Variants in ARMC9 observed in about 807,000 individuals in gnomAD.
ARMC9 encodes armadillo repeat containing 9.
Under a neutral mutation model 107.0 loss-of-function variants are expected in ARMC9, and 94 were observed. The observed-to-expected ratio is 0.88, with a 90% CI of 0.74 to 1.04. The LOEUF (loss-of-function observed/expected upper bound fraction) is 1.04, where lower values mean the gene tolerates loss of function less well. Among genes scored for constraint, ARMC9 ranks in the 50% least tolerant of loss-of-function variants. The pLI is 0.00. For missense variants in ARMC9, 942 were observed against 1,030.1 expected, an observed-to-expected ratio of 0.91 and a Z score of 1.17; for synonymous variants, 380 against 396.9, an observed-to-expected ratio of 0.96 and a Z score of 0.51.
chr2:231,346,119 A>G (rs2044802425), intron 21 of ARMC9, among the ~76,000 whole-genome samples: 1 of 152,230 alleles, frequency 6.6e-6, no homozygotes, highest in African/African-American at 2.4e-5. Flanking sequence ...TGATATGCTT[A>G]TATTTCTAGG....
Position 231,255,353 on chromosome 2 carries a change from G to A in ARMC9, c.880-1233G>A, listed in dbSNP as rs1306562153. Among the ~76,000 whole-genome samples, 4 of 151,792 alleles carry A rather than the reference G, an allele frequency of 2.6e-5. No homozygotes were observed. In the East Asian group the frequency reaches 7.7e-4, roughly 29 times the overall value. ...AACACGTGTAGAAAATGTTTGACTT[G>A]GTACAAAGTGCACATTTTTATACTT... On this transcript the variant is annotated intron_variant, in intron 9 of 24. Transcript: ENST00000611582. The surrounding 1 kb of genome is among the most constrained non-coding windows in gnomAD (Gnocchi z 4.7).
At chr2:231,279,797 AC>A (rs1334321030) in intron 16 of ARMC9, among the ~76,000 whole-genome samples, 1 of 152,016 alleles carries the variant, frequency 6.6e-6, no homozygotes, top group African/African-American at 2.4e-5. Context: ...AGCCTGAGCC[AC>A]CATGCCTGGC....
intron 3 of ARMC9, among the ~76,000 whole-genome samples, chr2:231,211,137 T>TAC (rs757246857): frequency 0.022 from 3,216 of 147,324 alleles, 183 homozygotes; most frequent in South Asian, 0.18. Context: ...CACAAACACA[T>TAC]ACACACACAC....
chr2:231,358,076 C>T lies in ARMC9; in HGVS notation c.2131+2142C>T, dbSNP rs1265186433. Among the ~76,000 whole-genome samples the T allele has an allele frequency of 6.6e-6, 1 of 152,212 alleles. No homozygotes were observed. The highest frequency in any genetic ancestry group is 2.4e-5 in the African/African-American group (1 of 41,444). On this transcript the variant is annotated intron_variant, in intron 22 of 24. Coordinates refer to ENST00000611582, the MANE Select transcript of ARMC9 (RefSeq NM_001352754.2). This position sits in a 1 kb window ranked among gnomAD's most constrained non-coding sequence, Gnocchi z 4.5. Reference sequence around the variant, plus strand: ...CCCTGCCCCTCTCCCTGTCCTGTCACCTGCCTCTGCCTAAGGGATGGATGG... The same window carrying T: ...CCCTGCCCCTCTCCCTGTCCTGTCATCTGCCTCTGCCTAAGGGATGGATGG...
intron 23 of ARMC9, among the ~76,000 whole-genome samples, chr2:231,365,427 G>C (rs2045775389): frequency 6.6e-6 from 1 of 152,170 alleles, no homozygotes; most frequent in Non-Finnish European, 1.5e-5. Context: ...CAATGCTGCT[G>C]AGTCATAATC....
intron 3 of ARMC9, among the ~76,000 whole-genome samples, chr2:231,212,554 TC>T (rs1322647078): frequency 2.0e-5 from 3 of 152,186 alleles, no homozygotes; most frequent in Non-Finnish European, 4.4e-5. Flanking sequence ...GTCAGAGAGC[TC>T]TTGGTCACCG....
chr2:231,278,515 G>A (rs904923378), intron 16 of ARMC9, 57 bp downstream of exon 16: 10 of 1,501,872 alleles, frequency 6.7e-6, no homozygotes, highest in African/African-American at 4.1e-5. Context: ...GGGACCCAAT[G>A]CCTGTGACCC....
chr2:231,310,325 A>G (rs1053800500), intron 19 of ARMC9, among the ~76,000 whole-genome samples: 3 of 151,206 alleles, frequency 2.0e-5, no homozygotes, highest in African/African-American at 7.3e-5. Flanking sequence ...GAGGCAGGAG[A>G]ATTGAATTGC....
intron 12 of ARMC9, among the ~76,000 whole-genome samples, chr2:231,269,398 CTTTT>C (rs773618086): frequency 1.9e-4 from 21 of 112,402 alleles, no homozygotes; most frequent in Admixed American, 1.3e-3. Context: ...TTTTCTTCTT[CTTTT>C]TTTTTTTTTT....
At position 231,355,837 on chromosome 2, in the gene ARMC9, C is replaced by T. The variant is rs568326721; in HGVS notation, c.2034C>T (p.His678=). 89 of 1,536,124 alleles carry T rather than the reference C, an allele frequency of 5.8e-5. No homozygotes were observed. The highest frequency in any genetic ancestry group is 3.9e-4 in the Admixed American group (20 of 51,008). The change falls in exon 22 of 25, where the codon CAC becomes CAT. Residue 678 remains histidine, a synonymous_variant. Transcript: ENST00000611582. ...DQHTPPQTAQ[H]ARNGHPQALP... is the part of the protein sequence containing the mutation. ...ACACACCTCCCCAGACAGCCCAGCA[C>T]GCCAGAAACGGCCACCCGCAGGCCC...
chr2:231,218,924 G>C (rs1388626392), intron 5 of ARMC9, among the ~76,000 whole-genome samples: 1 of 151,944 alleles, frequency 6.6e-6, no homozygotes, highest in African/African-American at 2.4e-5. Context: ...GCTAATTTTT[G>C]TATTTTTAGT....
chr2:231,259,157 T>G, intron 11 of ARMC9, 55 bp downstream of exon 11: 2 of 1,444,292 alleles, frequency 1.4e-6, no homozygotes, highest in Non-Finnish European at 1.9e-6. Context: ...GCTGGTTTTC[T>G]TGGCTGGCTA....
intron 21 of ARMC9, among the ~76,000 whole-genome samples, chr2:231,352,300 A>G (rs561605583): frequency 3.4e-5 from 5 of 146,596 alleles, no homozygotes; most frequent in East Asian, 2.0e-4. Flanking sequence ...TTCCACTGCT[A>G]GGATTTTTTT....
At chr2:231,313,377 G>A (rs1438828056) in intron 19 of ARMC9, among the ~76,000 whole-genome samples, 1 of 152,124 alleles carries the variant, frequency 6.6e-6, no homozygotes, top group East Asian at 1.9e-4. Context: ...TTCTCTTGTA[G>A]ACAGGATATA....
At chr2:231,324,858 G>A (rs1398070535) in intron 19 of ARMC9, among the ~76,000 whole-genome samples, 1 of 152,030 alleles carries the variant, frequency 6.6e-6, no homozygotes, top group Non-Finnish European at 1.5e-5. Flanking sequence ...AAGATCGCTT[G>A]AGCCCAGGAG....
intron 12 of ARMC9, among the ~76,000 whole-genome samples, chr2:231,269,398 C>CTTTTTTTTTTTTTTTT (rs773618086): frequency 8.9e-6 from 1 of 112,404 alleles, no homozygotes. Flanking sequence ...TTTTCTTCTT[C>CTTTTTTTTTTTTTTTT]TTTTTTTTTT....
In ARMC9 at chr2:231,214,836, T is replaced by C; in HGVS notation, c.183T>C (p.Asp61=). 2 of 1,614,038 alleles carry C rather than the reference T, an allele frequency of 1.2e-6. No homozygotes were observed. The highest frequency in any genetic ancestry group is 1.7e-6 in the Non-Finnish European group (2 of 1,179,960). The change falls in exon 4 of 25, where the codon GAT becomes GAC. Residue 61 remains aspartate, a synonymous_variant. Coordinates refer to ENST00000611582, the MANE Select transcript of ARMC9 (RefSeq NM_001352754.2). ...RDSKSLTIQK[D]LVAAFDNGDQ... The stretch of plus-strand genomic sequence containing the variant: ...GTCTGATGTCTTCTCCACAGAAGGA[T>C]CTTGTCGCTGCATTTGACAACGGAG...
intron 23 of ARMC9, among the ~76,000 whole-genome samples, chr2:231,368,975 G>A (rs1158632773): frequency 6.6e-6 from 1 of 152,164 alleles, no homozygotes; most frequent in Non-Finnish European, 1.5e-5. Flanking sequence ...AAGGCATATA[G>A]AAACAAATCA....
intron 23 of ARMC9, among the ~76,000 whole-genome samples, chr2:231,364,625 C>G (rs1324485996): frequency 6.6e-6 from 1 of 152,058 alleles, no homozygotes; most frequent in Non-Finnish European, 1.5e-5. Context: ...TGGTGAAACC[C>G]TGTCTTTACT....
Sources: allele counts gnomAD v4.1 joint callset (sites outside exome capture counted in the v4.1 genomes callset), GRCh38; gene constraint gnomAD v4.1.1; non-coding constraint Gnocchi (gnomAD v3.1); transcripts MANE v1.5; gene names NCBI Gene and HGNC (gene_info 2026-07-23, HGNC 2026-07-21).